The following PRAMEF18 variants were observed in gnomAD, a reference collection of about 807,000 sequenced individuals.
The protein encoded by PRAMEF18 is PRAME family member 18.
Under a neutral mutation model 23.7 loss-of-function variants are expected in PRAMEF18, and 15 were observed. The ratio of observed to expected loss-of-function variants is 0.63; its 90% CI spans 0.42 to 0.97. PRAMEF18 has a LOEUF of 0.97. Ranked by LOEUF, PRAMEF18 falls within the 50% of genes least tolerant of loss-of-function variation. The pLI is 0.00. For synonymous variants in PRAMEF18, 78 were observed against 159.9 expected (o/e 0.49, Z 3.86); for missense variants, 223 against 418.6 (o/e 0.53, Z 4.08).
At chr1:13,225,094 C>A in exon 2 of PRAMEF18, 1 of 1,613,860 alleles carries the variant, frequency 6.2e-7, no homozygotes, top group African/African-American at 1.3e-5. Flanking sequence ...AAATTTCCAA[C>A]ACTTGGATAC....
At chr1:13,225,093 A>C (rs1638825715) in exon 2 of PRAMEF18, 1 of 1,613,948 alleles carries the variant, frequency 6.2e-7, no homozygotes, top group South Asian at 1.1e-5. Context: ...CAAATTTCCA[A>C]CACTTGGATA....
chr1:13,224,964 C>A lies in PRAMEF18; in HGVS notation c.757G>T (p.Glu253Ter), dbSNP rs1569663930. Residue 253 changes from glutamate (E) to a stop codon, truncating the protein, a stop_gained, in exon 2 of 3, where the codon GAA becomes TAA. Coordinates refer to ENST00000624297, the Ensembl canonical transcript of PRAMEF18. LOFTEE classifies it high-confidence loss of function. ...GAGCTGAATTCAGCAACTAACTGTT[C>A]TTGGCTGTCAGAGCTTAGCAGGTAA... is the stretch of plus-strand genomic sequence containing the variant. 7 of 1,614,004 alleles carry A rather than the reference C, an allele frequency of 4.3e-6. No homozygotes were observed. In the Admixed American group the frequency reaches 6.7e-5, roughly 15 times the overall value.
At chr1:13,225,130 G>A (rs1553188551) in exon 2 of PRAMEF18, 2 of 1,613,390 alleles carry the variant, frequency 1.2e-6, no homozygotes, top group Non-Finnish European at 1.7e-6. Context: ...TTTCCAATAT[G>A]TTTCTGAAAT....
chr1:13,224,984 A>G (rs1166864383), exon 2 of PRAMEF18: 1 of 1,614,144 alleles, frequency 6.2e-7, no homozygotes, highest in Non-Finnish European at 8.5e-7. Context: ...AGAGCTTAGC[A>G]GGTAACGACA....
At chr1:13,224,552 C>T (rs1638812004) in intron 2 of PRAMEF18, 2 of 563,206 alleles carry the variant, frequency 3.6e-6, no homozygotes, top group African/African-American at 3.8e-5. Flanking sequence ...ACTTTAAACA[C>T]ACTTCCTAAC....
intron 2 of PRAMEF18, 199 bp downstream of exon 2, chr1:13,224,656 G>T (rs1315024359): frequency 9.8e-7 from 1 of 1,017,436 alleles, no homozygotes; most frequent in Admixed American, 2.8e-5. Flanking sequence ...TTCTACCCCA[G>T]GTCATCCCTC....
exon 2 of PRAMEF18, chr1:13,224,986 G>A (rs1412815125): frequency 6.2e-7 from 1 of 1,614,134 alleles, no homozygotes; most frequent in South Asian, 1.1e-5. Flanking sequence ...AGCTTAGCAG[G>A]TAACGACAGC....
At chr1:13,226,110 G>T (rs2359078), upstream of PRAMEF18, 5 of 1,611,864 alleles carry the variant, frequency 3.1e-6, no homozygotes, top group Non-Finnish European at 8.5e-7. Context: ...AGCTCATCCT[G>T]ATAAATCTGC....
upstream of PRAMEF18, chr1:13,226,146 A>C (rs1638850244): frequency 1.2e-6 from 2 of 1,611,938 alleles, no homozygotes; most frequent in Admixed American, 3.3e-5. Context: ...GAGAAGACAA[A>C]CTTATCAGGC....
chr1:13,224,759 C>T (rs1488551739), intron 2 of PRAMEF18, 96 bp downstream of exon 2: 1 of 1,596,664 alleles, frequency 6.3e-7, no homozygotes, highest in Non-Finnish European at 8.5e-7. Context: ...CTAGACATCT[C>T]CAGTGGCTGG....
rs1425959178 is a variant in PRAMEF18 at position 13,225,194 on chromosome 1, C to A, written c.527G>T (p.Gly176Val). 10 of 1,612,182 alleles carry A rather than the reference C, an allele frequency of 6.2e-6. No homozygotes were observed. The highest frequency in any genetic ancestry group is 8.5e-6 in the Non-Finnish European group (10 of 1,179,896). The change falls in exon 2 of 3, where the codon GGT becomes GTT. Residue 176 changes from glycine (G) to valine (V), a missense_variant. Physicochemically the swap from Gly to Val is moderately radical, Grantham distance 109 (BLOSUM62 -3). Coordinates refer to ENST00000624297, the Ensembl canonical transcript of PRAMEF18. Reference sequence around the variant, plus strand: ...CTTAGTACAGCACAGGTGTACTGAACCTCTTCTGTGCTGCACCCACCCAGA... The same window carrying A: ...CTTAGTACAGCACAGGTGTACTGAAACTCTTCTGTGCTGCACCCACCCAGA...
chr1:13,225,970 C>T, exon 1 of PRAMEF18: 2 of 1,614,318 alleles, frequency 1.2e-6, no homozygotes, highest in Non-Finnish European at 1.7e-6. Flanking sequence ...GCAGCGTCTG[C>T]TAGTGAAGGC....
At chr1:13,226,065 C>A in exon 1 of PRAMEF18, 1 of 1,613,186 alleles carries the variant, frequency 6.2e-7, no homozygotes, top group Non-Finnish European at 8.5e-7. Context: ...GCAGGCTCTG[C>A]CCTGCCAGCT....
chr1:13,224,841 C>T lies in PRAMEF18; in HGVS notation c.866+14G>A. 1 of 1,613,856 alleles carries T rather than the reference C, an allele frequency of 6.2e-7. No homozygotes were observed. The highest frequency in any genetic ancestry group is 8.5e-7 in the Non-Finnish European group (1 of 1,179,888). On this transcript the variant is annotated intron_variant, in intron 2 of 2. Coordinates refer to ENST00000624297, the Ensembl canonical transcript of PRAMEF18. ...TGCTATGGCCCCCAGAGAAAGCTCA[C>T]CATCCTTCCTCACCTGATCAGCTGG...
exon 2 of PRAMEF18, chr1:13,225,015 T>C: frequency 6.2e-7 from 1 of 1,614,186 alleles, no homozygotes. Context: ...ATGAAGAGTT[T>C]GCGAAGATTC....
In PRAMEF18 at chr1:13,224,479, A is replaced by G. The variant is rs1201116667; in HGVS notation, c.866+376T>C. 3.6e-4 allele frequency: 119 copies of G among 327,852 alleles called. No individual in the cohort carries two copies. In the East Asian group the frequency reaches 6.6e-3, roughly 18 times the overall value. The allele number at this position is 327,852 out of a possible 1,614,324, so 20.3% of individuals were successfully genotyped here. ...ACAGAGCTTCCTCTGTGAAACACACAGGTTTGGTGCACTTTCTCTTCTTTT... is the reference window on the plus strand; with the variant it reads ...ACAGAGCTTCCTCTGTGAAACACACGGGTTTGGTGCACTTTCTCTTCTTTT... On this transcript the variant is annotated intron_variant, in intron 2 of 2. Transcript: ENST00000624297.
chr1:13,224,783 C>T (rs1638816991), intron 2 of PRAMEF18, 72 bp downstream of exon 2: 5 of 1,609,838 alleles, frequency 3.1e-6, no homozygotes, highest in African/African-American at 1.3e-5. Flanking sequence ...ACAGTAGATG[C>T]TGATTGGTGT....
chr1:13,224,995 G>T (rs1204668104), exon 2 of PRAMEF18: 1 of 1,614,166 alleles, frequency 6.2e-7, no homozygotes, highest in Admixed American at 1.7e-5. Flanking sequence ...GGTAACGACA[G>T]CCATCAGAGA....
At chr1:13,225,491 G>A in intron 1 of PRAMEF18, 58 bp from the exon 2 acceptor site, 1 of 1,550,742 alleles carries the variant, frequency 6.4e-7, no homozygotes, top group Non-Finnish European at 8.8e-7. Flanking sequence ...CCCTGACCTG[G>A]GCTTTCACTC....
Sources: gnomAD v4.1 joint callset for allele counts on GRCh38, gnomAD v4.1.1 for gene constraint, MANE v1.5 for transcripts, NCBI Gene and HGNC (gene_info 2026-07-23, HGNC 2026-07-21) for gene names.